RBM19: variants seen among roughly 807,000 people sequenced by gnomAD.
RBM19 encodes RNA binding motif protein 19.
Under a neutral mutation model 116.8 loss-of-function variants are expected in RBM19, and 94 were observed. The ratio of observed to expected loss-of-function variants is 0.80; its 90% CI spans 0.68 to 0.95. RBM19 has a LOEUF of 0.95. Ranked by LOEUF, RBM19 falls within the 40% of genes least tolerant of loss-of-function variation. The probability of loss-of-function intolerance (pLI) is 0.00; values close to 1 mark genes in which losing one functional copy is unlikely to be tolerated. For missense variants in RBM19, 1,161 were observed against 1,220.7 expected (o/e 0.95, Z 0.73); for synonymous variants, 475 against 494.1 (o/e 0.96, Z 0.51).
chr12:113,837,112 C>T (rs868353509), intron 23 of RBM19, among the ~76,000 whole-genome samples: 7 of 133,788 alleles, frequency 5.2e-5, no homozygotes, highest in Non-Finnish European at 1.0e-4. Context: ...CATACATACA[C>T]ACACACGTCC....
intron 4 of RBM19, 112 bp downstream of exon 4, chr12:113,959,753 C>T (rs560568334): frequency 4.4e-4 from 578 of 1,307,752 alleles, no homozygotes; most frequent in Middle Eastern, 7.1e-4. Flanking sequence ...CCCTCTCCAG[C>T]CTCTACGGTC....
intron 22 of RBM19, among the ~76,000 whole-genome samples, chr12:113,850,230 C>T (rs1417945367): frequency 4.6e-5 from 7 of 152,176 alleles, no homozygotes; most frequent in Non-Finnish European, 1.0e-4. Context: ...TTGCCTTGAC[C>T]GGGGGACAGG....
At chr12:113,904,063 C>T (rs760458803) in intron 21 of RBM19, among the ~76,000 whole-genome samples, 1 of 152,154 alleles carries the variant, frequency 6.6e-6, no homozygotes, top group Admixed American at 6.5e-5. Context: ...TGGGGCCATT[C>T]CCTTAGTGGA....
chr12:113,932,649 G>A (rs1180599591), intron 16 of RBM19: 1 of 152,262 alleles, frequency 6.6e-6, no homozygotes, highest in African/African-American at 2.4e-5. Context: ...AGGCCATGAA[G>A]CCAAAGGTCA....
chr12:113,868,281 C>T (rs1878980113), intron 21 of RBM19, among the ~76,000 whole-genome samples: 1 of 152,222 alleles, frequency 6.6e-6, no homozygotes, highest in African/African-American at 2.4e-5. Flanking sequence ...TACCTGTTGC[C>T]TCACAGTAGA....
At chr12:113,962,144 G>A (rs952309467) in intron 2 of RBM19, 88 bp downstream of exon 2, 28 of 1,464,014 alleles carry the variant, frequency 1.9e-5, no homozygotes, top group Middle Eastern at 3.5e-4. Flanking sequence ...AAGTGAAGAG[G>A]GACGGTCTTT....
chr12:113,946,034 GC>G, intron 12 of RBM19, 110 bp from the exon 13 acceptor site: 1 of 1,022,846 alleles, frequency 9.8e-7, no homozygotes, highest in Non-Finnish European at 1.5e-6. Context: ...CTATCTACAT[GC>G]CCCCAATTTC....
At chr12:113,834,762 T>C (rs746245488) in intron 23 of RBM19, among the ~76,000 whole-genome samples, 1 of 152,160 alleles carries the variant, frequency 6.6e-6, no homozygotes, top group Non-Finnish European at 1.5e-5. Context: ...CACCCAGGTA[T>C]AGACATTAAC....
chr12:113,936,168 T>A lies in RBM19; in HGVS notation c.2068+839A>T, dbSNP rs181893971. 5.7e-3 allele frequency among the ~76,000 whole-genome samples: 869 copies of A among 152,312 alleles called. 26 individuals are homozygous for A. The East Asian group carries it at 0.076, about 13-fold the overall frequency. ...GAGTAGCTGAGGACTTATTATTATT[T>A]TTTTTAACATCCTTATTTTAATAAG... On this transcript the variant is annotated intron_variant, in intron 16 of 23. Coordinates refer to ENST00000261741, the MANE Select transcript of RBM19 (RefSeq NM_016196.4).
Position 113,942,392 on chromosome 12 carries a change from T to C in RBM19, c.1669A>G (p.Thr557Ala), listed in dbSNP as rs1224758042. 6.2e-7 allele frequency: 1 copy of C among 1,609,198 alleles called. No individual in the cohort carries two copies. Among genetic ancestry groups the C allele is most frequent in the Non-Finnish European group, 8.5e-7 (1 of 1,179,916 alleles). ...SVAVRVALGE[T>A]QLVQEVRRFL... is the part of the protein sequence containing the mutation. ...CGCCGCACTTCCTGGACGAGCTGGG[T>C]TTCCCCCAGAGCCACGCGCACGGCC... The change falls in exon 14 of 24, where the codon ACC becomes GCC. Residue 557 changes from threonine to alanine, a missense_variant. By Grantham distance (58) the Thr-to-Ala change is moderately conservative. Transcript: ENST00000261741.
intron 22 of RBM19, among the ~76,000 whole-genome samples, chr12:113,854,787 C>T (rs986520395): frequency 2.6e-5 from 4 of 152,182 alleles, no homozygotes; most frequent in Non-Finnish European, 2.9e-5. Context: ...TAGGGCTCCA[C>T]GGTGGCTTCA....
intron 20 of RBM19, among the ~76,000 whole-genome samples, chr12:113,917,512 C>T (rs867017712): frequency 6.6e-6 from 1 of 152,170 alleles, no homozygotes; most frequent in East Asian, 1.9e-4. Context: ...TAACATAGCA[C>T]AGACCACAAT....
intron 13 of RBM19, among the ~76,000 whole-genome samples, chr12:113,943,574 C>T (rs1430451256): frequency 1.3e-5 from 2 of 152,114 alleles, no homozygotes; most frequent in Non-Finnish European, 2.9e-5. Context: ...AATCCCAGCA[C>T]TTTGGGAGGC....
chr12:113,820,549 A>G (rs1365930209), downstream of RBM19, among the ~76,000 whole-genome samples: 1 of 152,030 alleles, frequency 6.6e-6, no homozygotes, highest in Non-Finnish European at 1.5e-5. Context: ...GAGGCCCTAG[A>G]GGGTTTGAAG....
At chr12:113,847,077 G>T (rs879833567) in intron 22 of RBM19, among the ~76,000 whole-genome samples, 1 of 152,152 alleles carries the variant, frequency 6.6e-6, no homozygotes. Flanking sequence ...GGGAAAGGAC[G>T]CAATGCCCTT....
At chr12:113,929,396 C>T (rs1162578609) in intron 16 of RBM19, among the ~76,000 whole-genome samples, 2 of 151,914 alleles carry the variant, frequency 1.3e-5, no homozygotes, top group Non-Finnish European at 2.9e-5. Flanking sequence ...AGCCCAGAAT[C>T]GAGACTCAGA....
intron 23 of RBM19, among the ~76,000 whole-genome samples, chr12:113,840,904 C>T (rs1876408665): frequency 6.6e-6 from 1 of 152,250 alleles, no homozygotes; most frequent in Non-Finnish European, 1.5e-5. Flanking sequence ...TGCCTATACC[C>T]CCGTAAGCTG....
At chr12:113,867,005 T>C (rs1291398550) in intron 21 of RBM19, among the ~76,000 whole-genome samples, 1 of 152,242 alleles carries the variant, frequency 6.6e-6, no homozygotes, top group African/African-American at 2.4e-5. Flanking sequence ...TCATAAGAGC[T>C]GGTCTATATC....
chr12:113,833,153 C>A (rs948758092), intron 23 of RBM19, among the ~76,000 whole-genome samples: 1 of 152,194 alleles, frequency 6.6e-6, no homozygotes, highest in Non-Finnish European at 1.5e-5. Context: ...GCCACCTGTC[C>A]TTCCCAGCTT....
Sources: gnomAD v4.1 joint callset for allele counts (sites outside exome capture counted in the v4.1 genomes callset) on GRCh38, gnomAD v4.1.1 for gene constraint, MANE v1.5 for transcripts, NCBI Gene and HGNC (gene_info 2026-07-23, HGNC 2026-07-21) for gene names.